The following ASRGL1 variants were observed in gnomAD, a reference collection of about 807,000 sequenced individuals.
ASRGL1 encodes the protein isoaspartyl peptidase/L-asparaginase.
A neutral mutation model predicts 22.4 loss-of-function variants in ASRGL1; 16 were observed. The observed-to-expected ratio is 0.71, with a 90% CI of 0.48 to 1.08. ASRGL1 has a LOEUF of 1.08. Ranked by LOEUF, ASRGL1 falls within the 50% of genes least tolerant of loss-of-function variation. ASRGL1 has a pLI of 0.00. For missense variants in ASRGL1, 412 were observed against 410.1 expected (o/e 1.00, Z -0.04); for synonymous variants, 165 against 159.3 (o/e 1.04, Z -0.27).
rs1373666153 is a variant in ASRGL1 at position 62,357,153 on chromosome 11, T to TA, written c.491+10dup. On this transcript the variant is annotated intron_variant, in intron 4 of 6. Coordinates refer to ENST00000415229, the MANE Select transcript of ASRGL1 (RefSeq NM_001083926.2). ...AAAACAGATTGTCAAAAGTAAGTCTTACCTGTGGCTCGCATTATTTGGGAG... is the reference window on the plus strand; with the variant it reads ...AAAACAGATTGTCAAAAGTAAGTCTTAACCTGTGGCTCGCATTATTTGGGAG... The TA allele has an allele frequency of 1.9e-6, 3 of 1,610,254 alleles. No individual in the cohort carries two copies.
chr11:62,395,100 A>T (rs181470529), downstream of ASRGL1, among the ~76,000 whole-genome samples: 483 of 152,306 alleles, frequency 3.2e-3, 3 homozygotes, highest in African/African-American at 0.011. Flanking sequence ...CCAAAAGAAC[A>T]TTCCTCTTCC....
intron 4 of ASRGL1, among the ~76,000 whole-genome samples, chr11:62,360,132 A>G (rs1946398841): frequency 6.7e-6 from 1 of 150,096 alleles, no homozygotes; most frequent in African/African-American, 2.5e-5. Flanking sequence ...CCCAGGTTCT[A>G]GCAGTTCTCC....
intron 4 of ASRGL1, among the ~76,000 whole-genome samples, chr11:62,386,112 A>G (rs570817385): frequency 3.9e-5 from 6 of 152,348 alleles, no homozygotes; most frequent in Admixed American, 2.6e-4. Context: ...CAGTGAGCCA[A>G]TATCACGCCA....
At chr11:62,370,602 G>T (rs1946736422) in intron 4 of ASRGL1, among the ~76,000 whole-genome samples, 1 of 152,092 alleles carries the variant, frequency 6.6e-6, no homozygotes, top group Admixed American at 6.5e-5. Flanking sequence ...GCTTCTGTTT[G>T]TCTAAACTTT....
chr11:62,396,284 T>G (rs1947432312), downstream of ASRGL1, among the ~76,000 whole-genome samples: 2 of 152,040 alleles, frequency 1.3e-5, no homozygotes, highest in Admixed American at 1.3e-4. Flanking sequence ...GGGGTGCCCA[T>G]TAGTGGCTGC....
At position 62,357,136 on chromosome 11, in the gene ASRGL1, T is replaced by C. The variant is rs1044388894; in HGVS notation, c.483T>C (p.Asp161=). ...EKHEKGAQKT[D]CQKNLGTVGA... Reference sequence around the variant, plus strand: ...ATGAAAAAGGTGCTCAGAAAACAGATTGTCAAAAGTAAGTCTTACCTGTGG... The same window carrying C: ...ATGAAAAAGGTGCTCAGAAAACAGACTGTCAAAAGTAAGTCTTACCTGTGG... The change falls in exon 4 of 7, where the codon GAT becomes GAC. Residue 161 remains aspartate, a synonymous_variant. Coordinates refer to ENST00000415229, the MANE Select transcript of ASRGL1 (RefSeq NM_001083926.2). 1.2e-6 allele frequency: 2 copies of C among 1,612,790 alleles called. No homozygotes were observed. Among genetic ancestry groups the C allele is most frequent in the East Asian group, 2.2e-5 (1 of 44,892 alleles).
chr11:62,348,855 G>T (rs1946099231), intron 2 of ASRGL1, among the ~76,000 whole-genome samples: 1 of 152,162 alleles, frequency 6.6e-6, no homozygotes, highest in South Asian at 2.1e-4. Flanking sequence ...ATCGCAAAAG[G>T]CCAATCTGCA....
intron 2 of ASRGL1, among the ~76,000 whole-genome samples, chr11:62,354,695 G>A (rs1946238604): frequency 6.6e-6 from 1 of 152,126 alleles, no homozygotes; most frequent in Non-Finnish European, 1.5e-5. Context: ...AGGACAGAGT[G>A]GGATGATGCT....
At chr11:62,362,056 A>G (rs923679817) in intron 4 of ASRGL1, among the ~76,000 whole-genome samples, 8 of 152,206 alleles carry the variant, frequency 5.3e-5, no homozygotes, top group African/African-American at 1.9e-4. Context: ...ATGTACAAGC[A>G]AGAAGCTTGG....
At chr11:62,372,885 C>G in intron 4 of ASRGL1, 1 of 1,599,190 alleles carries the variant, frequency 6.3e-7, no homozygotes, top group East Asian at 2.2e-5. Context: ...AGTGCAGGAC[C>G]TCTGCAGCTG....
At chr11:62,362,735 TA>T (rs1565162574) in intron 4 of ASRGL1, among the ~76,000 whole-genome samples, 5 of 62,578 alleles carry the variant, frequency 8.0e-5, no homozygotes, top group Non-Finnish European at 1.7e-4. Context: ...ATATAAAATA[TA>T]ATATATATTA....
Position 62,392,685 on chromosome 11 carries a change from A to G in ASRGL1, c.*401A>G. 1 of 231,606 alleles carries G rather than the reference A, an allele frequency of 4.3e-6. No homozygotes were observed. Among genetic ancestry groups the G allele is most frequent in the South Asian group, 6.1e-5 (1 of 16,274 alleles). 14.3% of individuals were successfully genotyped at this position (231,606 alleles called of 1,614,324 possible). ...ACTGTGGGCTGGAAGGTGGGAAGGG[A>G]GGGGCCGGTGGAGGTGGAGCTGTTT... On this transcript the variant is annotated 3_prime_UTR_variant, in exon 7 of 7. Coordinates refer to ENST00000415229, the MANE Select transcript of ASRGL1 (RefSeq NM_001083926.2).
chr11:62,346,121 C>G (rs1481475048), intron 2 of ASRGL1, among the ~76,000 whole-genome samples: 1 of 152,202 alleles, frequency 6.6e-6, no homozygotes, highest in Non-Finnish European at 1.5e-5. Context: ...CTTCCCACTT[C>G]AGATGCCAAT....
At chr11:62,357,756 G>A (rs532819129) in intron 4 of ASRGL1, among the ~76,000 whole-genome samples, 2 of 152,206 alleles carry the variant, frequency 1.3e-5, no homozygotes, top group African/African-American at 2.4e-5. Context: ...CTGAATTACA[G>A]TTTTCTGTTA....
chr11:62,394,580 C>G (rs1217989367), downstream of ASRGL1, among the ~76,000 whole-genome samples: 1 of 151,796 alleles, frequency 6.6e-6, no homozygotes, highest in Non-Finnish European at 1.5e-5. Flanking sequence ...AGACAACAAT[C>G]GCTAAGGAGA....
chr11:62,338,713 A>G (rs1465308452), intron 2 of ASRGL1, among the ~76,000 whole-genome samples: 1 of 152,000 alleles, frequency 6.6e-6, no homozygotes, highest in African/African-American at 2.4e-5. Context: ...AGGCGGGTGG[A>G]TCACCTGAGG....
intron 4 of ASRGL1, chr11:62,373,012 C>T: frequency 7.2e-7 from 1 of 1,384,380 alleles, no homozygotes; most frequent in Non-Finnish European, 1.0e-6. Flanking sequence ...GATCACAAGC[C>T]CAAGTCTTCC....
intron 4 of ASRGL1, among the ~76,000 whole-genome samples, chr11:62,378,057 A>G (rs1193763599): frequency 6.6e-6 from 1 of 152,190 alleles, no homozygotes; most frequent in Non-Finnish European, 1.5e-5. Flanking sequence ...CTCTTAAGAT[A>G]GAGAACAAAT....
Position 62,338,129 on chromosome 11 carries a change from C to A in ASRGL1, c.152C>A (p.Ala51Asp). The A allele has an allele frequency of 6.3e-7, 1 of 1,595,918 alleles. No homozygotes were observed. The highest frequency in any genetic ancestry group is 1.1e-5 in the South Asian group (1 of 88,136). ...GGSAVDAVEG[A>D]VVALEDDPEF... Reference sequence around the variant, plus strand: ...AGCGCCGTGGATGCCGTAGAGGGAGCTGTCGTCGCCCTGGAAGACGATCCC... The same window carrying A: ...AGCGCCGTGGATGCCGTAGAGGGAGATGTCGTCGCCCTGGAAGACGATCCC... Residue 51 changes from alanine to aspartate, a missense_variant, in exon 2 of 7, where the codon GCT becomes GAT. Ala to Asp is a moderately radical substitution (Grantham distance 126, BLOSUM62 -2). Coordinates refer to ENST00000415229, the MANE Select transcript of ASRGL1 (RefSeq NM_001083926.2).
Sources: gnomAD v4.1 joint callset for allele counts (sites outside exome capture counted in the v4.1 genomes callset) on GRCh38, gnomAD v4.1.1 for gene constraint, MANE v1.5 for transcripts, NCBI Gene and HGNC (gene_info 2026-07-23, HGNC 2026-07-21) for gene names.